NKAIN2: variants seen among roughly 807,000 people sequenced by gnomAD.
NKAIN2 encodes sodium/potassium transporting ATPase interacting 2.
A neutral mutation model predicts 32.6 loss-of-function variants in NKAIN2; 14 were observed. The observed-to-expected ratio is 0.43, with a 90% CI of 0.28 to 0.67. The LOEUF (loss-of-function observed/expected upper bound fraction) is 0.67. Ranked by LOEUF, NKAIN2 falls within the 30% of genes least tolerant of loss-of-function variation. The pLI is 0.17. For missense variants in NKAIN2, 198 were observed against 258.3 expected (o/e 0.77, Z 1.60); for synonymous variants, 80 against 87.2 (o/e 0.92, Z 0.46).
chr6:124,319,314 A>G (rs1797080588), intron 2 of NKAIN2, among the ~76,000 whole-genome samples: 1 of 152,218 alleles, frequency 6.6e-6, no homozygotes, highest in African/African-American at 2.4e-5. Context: ...TTCGACATTC[A>G]AATTTGGAGA....
chr6:124,221,016 G>A (rs1791786243), intron 1 of NKAIN2, among the ~76,000 whole-genome samples: 1 of 152,112 alleles, frequency 6.6e-6, no homozygotes, highest in East Asian at 1.9e-4. Flanking sequence ...ATCCAACAAA[G>A]TGCTAAGGTG....
At chr6:124,258,875 G>A (rs1167725998) in intron 1 of NKAIN2, among the ~76,000 whole-genome samples, 1 of 152,140 alleles carries the variant, frequency 6.6e-6, no homozygotes, top group Non-Finnish European at 1.5e-5. Context: ...TCTTGTCATG[G>A]TTCCATTAGG....
chr6:124,205,628 G>T (rs1790833377), intron 1 of NKAIN2, among the ~76,000 whole-genome samples: 1 of 150,056 alleles, frequency 6.7e-6, no homozygotes, highest in African/African-American at 2.5e-5. Context: ...TCATATTTAG[G>T]GCTACTAGAT....
At chr6:123,840,685 A>G (rs1190849054) in intron 1 of NKAIN2, among the ~76,000 whole-genome samples, 3 of 152,126 alleles carry the variant, frequency 2.0e-5, no homozygotes, top group Non-Finnish European at 4.4e-5. Flanking sequence ...GCTTAGAAAA[A>G]TGAAAATGCA....
chr6:124,029,730 C>T (rs1344677213), intron 1 of NKAIN2, among the ~76,000 whole-genome samples: 1 of 152,104 alleles, frequency 6.6e-6, no homozygotes, highest in Non-Finnish European at 1.5e-5. Context: ...CTGTTAGGAA[C>T]CAGGCAACAG....
At chr6:124,149,805 G>T (rs1787608896) in intron 1 of NKAIN2, among the ~76,000 whole-genome samples, 1 of 152,092 alleles carries the variant, frequency 6.6e-6, no homozygotes, top group Non-Finnish European at 1.5e-5. Context: ...TCAGACACAG[G>T]TATGCAGTGT....
chr6:124,265,824 C>T (rs1794469843), intron 1 of NKAIN2, among the ~76,000 whole-genome samples: 1 of 152,180 alleles, frequency 6.6e-6, no homozygotes, highest in Admixed American at 6.5e-5. Context: ...TGATGTCACA[C>T]CAGCAAAACC....
At chr6:123,902,230 G>A (rs7745476) in intron 1 of NKAIN2, among the ~76,000 whole-genome samples, 48,421 of 151,944 alleles carry the variant, frequency 0.32, 10,382 homozygotes, top group African/African-American at 0.62. Flanking sequence ...TTTGGAATCG[G>A]TATGACTACA....
chr6:123,932,729 T>G (rs920331941), intron 1 of NKAIN2, among the ~76,000 whole-genome samples: 1 of 151,458 alleles, frequency 6.6e-6, no homozygotes, highest in African/African-American at 2.4e-5. Flanking sequence ...TCTTTCTTGA[T>G]AGCATTGTTA....
At chr6:124,625,673 A>G (rs1432980140) in intron 3 of NKAIN2, among the ~76,000 whole-genome samples, 3 of 151,084 alleles carry the variant, frequency 2.0e-5, no homozygotes, top group Non-Finnish European at 4.4e-5. Flanking sequence ...AGTTATTTTC[A>G]TGAGCACCTA....
intron 5 of NKAIN2, among the ~76,000 whole-genome samples, chr6:124,809,234 A>G (rs1227910873): frequency 2.0e-5 from 3 of 151,486 alleles, no homozygotes; most frequent in Non-Finnish European, 4.4e-5. Flanking sequence ...TTCAAACTAT[A>G]CTACAAGGCT....
intron 3 of NKAIN2, among the ~76,000 whole-genome samples, chr6:124,395,758 A>G (rs960722398): frequency 1.8e-4 from 27 of 152,252 alleles, no homozygotes; most frequent in Middle Eastern, 3.4e-3. Context: ...ATGGCAATGG[A>G]TATGTCCAGT....
intron 3 of NKAIN2, among the ~76,000 whole-genome samples, chr6:124,410,034 G>T (rs1255607219): frequency 6.6e-6 from 1 of 152,126 alleles, no homozygotes; most frequent in Admixed American, 6.5e-5. Flanking sequence ...GGGATCGGTG[G>T]TGATATCCCC....
chr6:123,979,948 C>T (rs964505671), intron 1 of NKAIN2, among the ~76,000 whole-genome samples: 2 of 151,866 alleles, frequency 1.3e-5, no homozygotes, highest in Admixed American at 6.6e-5. Context: ...CAGAATTGTT[C>T]GTTAGTCAAC....
At chr6:124,432,478 G>A (rs1775260106) in intron 3 of NKAIN2, among the ~76,000 whole-genome samples, 1 of 152,056 alleles carries the variant, frequency 6.6e-6, no homozygotes, top group African/African-American at 2.4e-5. Context: ...ATAGTGGTGT[G>A]CGCCTATAAG....
intron 1 of NKAIN2, among the ~76,000 whole-genome samples, chr6:124,241,744 TG>T (rs1362106380): frequency 6.6e-6 from 1 of 152,168 alleles, no homozygotes; most frequent in Admixed American, 6.6e-5. Flanking sequence ...AGCTTTCTAC[TG>T]GAGAAATTAC....
chr6:124,376,024 GCAGGAAAGGT>G (rs1463533244), intron 3 of NKAIN2, among the ~76,000 whole-genome samples: 1 of 152,096 alleles, frequency 6.6e-6, no homozygotes, highest in African/African-American at 2.4e-5. Context: ...ATAGTAGGTA[GCAGGAAAGGT>G]CAGAAAAGCA....
chr6:123,811,909 C>G (rs866052679), intron 1 of NKAIN2, among the ~76,000 whole-genome samples: 5 of 148,272 alleles, frequency 3.4e-5, no homozygotes, highest in African/African-American at 7.4e-5. Flanking sequence ...GATATACGTA[C>G]TTTAAGTATT....
At chr6:124,383,149 C>G (rs775623572) in intron 3 of NKAIN2, among the ~76,000 whole-genome samples, 1 of 152,150 alleles carries the variant, frequency 6.6e-6, no homozygotes, top group Non-Finnish European at 1.5e-5. Context: ...ATTTCTCCCC[C>G]AGGCACCCTT....
Sources: allele counts gnomAD v4.1 joint callset (sites outside exome capture counted in the v4.1 genomes callset), GRCh38; gene constraint gnomAD v4.1.1; transcripts MANE v1.5; gene names NCBI Gene and HGNC (gene_info 2026-07-23, HGNC 2026-07-21).